Variants in NBEA observed in about 807,000 individuals in gnomAD.
NBEA encodes lysosomal-trafficking regulator 2.
A neutral mutation model predicts 343.4 loss-of-function variants in NBEA; 44 were observed. The observed-to-expected ratio is 0.13, with a 90% CI of 0.10 to 0.16. The LOEUF is 0.16. NBEA is among the 10% of genes least tolerant of loss of function. The pLI is 1.00. For synonymous variants in NBEA, 1,175 were observed against 1,238.7 expected, an observed-to-expected ratio of 0.95 and a Z score of 1.08; for missense variants, 2,555 against 3,631.3, an observed-to-expected ratio of 0.70 and a Z score of 7.62.
Position 34,993,711 on chromosome 13 carries a change from T to C in NBEA, c.295-47222T>C, listed in dbSNP as rs1379814780. Among the ~76,000 whole-genome samples, 4 of 152,224 alleles carry C rather than the reference T, an allele frequency of 2.6e-5. No individual in the cohort carries two copies. The East Asian group carries it at 7.7e-4, about 29-fold the overall frequency. ...AGTAGTGCCGACAGGCTATAATGTC[T>C]ATCCCTGAAATGAGCTATAGTGCGG... is the stretch of plus-strand genomic sequence containing the variant. On this transcript the variant is annotated intron_variant, in intron 1 of 58. Transcript: ENST00000379939.
intron 10 of NBEA, among the ~76,000 whole-genome samples, chr13:35,087,913 T>C (rs943041237): frequency 9.9e-5 from 15 of 151,874 alleles, no homozygotes; most frequent in African/African-American, 3.6e-4. Context: ...GATGTTGGTT[T>C]TCATCAAGTG....
chr13:35,277,276 A>G (rs1266041627), intron 34 of NBEA, among the ~76,000 whole-genome samples: 2 of 152,264 alleles, frequency 1.3e-5, no homozygotes, highest in East Asian at 3.9e-4. Flanking sequence ...GTATTAAAGG[A>G]AGTAAAGACA....
intron 19 of NBEA, 42 bp from the exon 20 acceptor site, chr13:35,156,041 G>C (rs777797698): frequency 1.3e-6 from 2 of 1,550,396 alleles, no homozygotes; most frequent in East Asian, 2.3e-5. Context: ...TTGAACATAG[G>C]ATATGGTTAC....
chr13:34,946,920 T>G (rs2059203333), intron 1 of NBEA, among the ~76,000 whole-genome samples: 2 of 151,354 alleles, frequency 1.3e-5, no homozygotes, highest in African/African-American at 4.8e-5. Context: ...TGCAGCTTGA[T>G]AGTCATAATT....
At chr13:35,549,449 C>A (rs1220662579) in intron 41 of NBEA, among the ~76,000 whole-genome samples, 12 of 152,182 alleles carry the variant, frequency 7.9e-5, no homozygotes, top group African/African-American at 2.9e-4. Context: ...ATTGTTAATA[C>A]ACGTTGGTGT....
chr13:35,039,478 G>A (rs2062570468), intron 1 of NBEA, among the ~76,000 whole-genome samples: 1 of 152,120 alleles, frequency 6.6e-6, no homozygotes, highest in African/African-American at 2.4e-5. Context: ...ATTCTTATAT[G>A]AGATTGTAAT....
intron 40 of NBEA, among the ~76,000 whole-genome samples, chr13:35,463,017 C>T (rs2046990119): frequency 6.6e-6 from 1 of 152,060 alleles, no homozygotes; most frequent in African/African-American, 2.4e-5. Context: ...CCAAGTTGGG[C>T]ATGGAGTTCA....
At chr13:35,431,127 G>A (rs1164497070) in intron 38 of NBEA, among the ~76,000 whole-genome samples, 1 of 151,582 alleles carries the variant, frequency 6.6e-6, no homozygotes, top group Non-Finnish European at 1.5e-5. Flanking sequence ...TTAAAAAAAC[G>A]TTTTCATTAA....
chr13:35,161,643 A>G, intron 22 of NBEA, 107 bp from the exon 23 acceptor site: 1 of 957,324 alleles, frequency 1.0e-6, no homozygotes, highest in Non-Finnish European at 1.6e-6. Flanking sequence ...TGCTAAAGTC[A>G]TATGCTAAAG....
intron 11 of NBEA, among the ~76,000 whole-genome samples, chr13:35,102,068 A>G (rs1400310003): frequency 1.3e-5 from 2 of 151,720 alleles, no homozygotes; most frequent in African/African-American, 2.4e-5. Flanking sequence ...TGTATATGGT[A>G]TGAGGTATAA....
At chr13:35,455,503 A>C (rs2046534703) in intron 40 of NBEA, among the ~76,000 whole-genome samples, 1 of 152,074 alleles carries the variant, frequency 6.6e-6, no homozygotes, top group African/African-American at 2.4e-5. Flanking sequence ...CTGCTATTAT[A>C]GATTTAACAT....
At chr13:35,467,826 C>T (rs906126213) in intron 40 of NBEA, among the ~76,000 whole-genome samples, 1 of 152,106 alleles carries the variant, frequency 6.6e-6, no homozygotes, top group Non-Finnish European at 1.5e-5. Context: ...ATAGCTAATA[C>T]AACTTTTAAC....
chr13:35,379,556 A>G (rs1296776032), intron 38 of NBEA, among the ~76,000 whole-genome samples: 4 of 151,636 alleles, frequency 2.6e-5, no homozygotes, highest in Non-Finnish European at 5.9e-5. Context: ...ATGATTAGTG[A>G]TTTCTGTTTT....
chr13:35,335,290 G>T (rs565298725), intron 36 of NBEA, among the ~76,000 whole-genome samples: 1 of 152,200 alleles, frequency 6.6e-6, no homozygotes, highest in African/African-American at 2.4e-5. Flanking sequence ...CCCCAGTTTT[G>T]TTATTTTTGC....
chr13:35,505,678 C>G (rs1469824314), intron 41 of NBEA, among the ~76,000 whole-genome samples: 1 of 152,132 alleles, frequency 6.6e-6, no homozygotes, highest in African/African-American at 2.4e-5. Flanking sequence ...CCCTTAATAA[C>G]TACAGTTTTC....
chr13:35,171,059 G>A, intron 25 of NBEA: 1 of 680,304 alleles, frequency 1.5e-6, no homozygotes. Context: ...ATTTTAAAAT[G>A]GGCTTTTCCT....
chr13:35,152,249 T>G (rs1189444818), intron 18 of NBEA, among the ~76,000 whole-genome samples: 2 of 152,208 alleles, frequency 1.3e-5, no homozygotes. Flanking sequence ...GTGCAATCAT[T>G]TTACGAGTTA....
At chr13:35,142,506 TA>T (rs970192199) in intron 18 of NBEA, 129 bp downstream of exon 18, 1 of 505,996 alleles carries the variant, frequency 2.0e-6, no homozygotes, top group African/African-American at 1.9e-5. Context: ...GGTTTAATGG[TA>T]AAAAATGAAT....
At chr13:34,972,498 C>G (rs1330603165) in intron 1 of NBEA, among the ~76,000 whole-genome samples, 2 of 152,158 alleles carry the variant, frequency 1.3e-5, no homozygotes, top group Non-Finnish European at 1.5e-5. Flanking sequence ...ACTGCCTTAG[C>G]TATGTCCCAG....
Sources: gnomAD v4.1 joint callset for allele counts (sites outside exome capture counted in the v4.1 genomes callset) on GRCh38, gnomAD v4.1.1 for gene constraint, MANE v1.5 for transcripts, NCBI Gene and HGNC (gene_info 2026-07-23, HGNC 2026-07-21) for gene names.